OR1J2: variants seen among roughly 807,000 people sequenced by gnomAD.
The protein encoded by OR1J2 is olfactory receptor family 1 subfamily J member 2, also known as olfactory receptor 1J2.
For missense variants in OR1J2, 304 were observed against 246.1 expected, an observed-to-expected ratio of 1.24 and a Z score of -1.57; for synonymous variants, 142 against 99.7, an observed-to-expected ratio of 1.42 and a Z score of -2.52.
the OR1J2 span, among the ~76,000 whole-genome samples, chr9:122,483,275 C>A: frequency 6.6e-6 from 1 of 152,186 alleles, no homozygotes; most frequent in East Asian, 1.9e-4. Context: ...TAAAAAATTG[C>A]TCACAATTCT....
upstream of OR1J2, among the ~76,000 whole-genome samples, chr9:122,509,614 C>T (rs145187559): frequency 8.5e-4 from 130 of 152,130 alleles, no homozygotes; most frequent in African/African-American, 3.0e-3. Flanking sequence ...GTCTAAATGA[C>T]GTTAAATGGA....
At chr9:122,454,989 G>A in the OR1J2 span, among the ~76,000 whole-genome samples, 1 of 152,056 alleles carries the variant, frequency 6.6e-6, no homozygotes, top group Non-Finnish European at 1.5e-5. Context: ...TTTTATGTCC[G>A]GCTTCTTTCA....
chr9:122,472,378 T>G, the OR1J2 span, among the ~76,000 whole-genome samples: 1 of 152,246 alleles, frequency 6.6e-6, no homozygotes, highest in Non-Finnish European at 1.5e-5. Context: ...GCACTTTAAT[T>G]GTGCTTATCA....
the OR1J2 span, among the ~76,000 whole-genome samples, chr9:122,458,321 G>A: frequency 6.6e-6 from 1 of 152,022 alleles, no homozygotes; most frequent in East Asian, 1.9e-4. Flanking sequence ...TTTGTCTTTG[G>A]TTTTTACTAG....
the OR1J2 span, among the ~76,000 whole-genome samples, chr9:122,575,952 CTTTT>C: frequency 2.0e-5 from 3 of 152,066 alleles, no homozygotes; most frequent in Non-Finnish European, 2.9e-5. Context: ...ATATTTCTTT[CTTTT>C]TATTTCACAT....
the OR1J2 span, among the ~76,000 whole-genome samples, chr9:122,569,925 C>T: frequency 3.0e-4 from 44 of 147,678 alleles, no homozygotes; most frequent in East Asian, 2.8e-3. Context: ...TGAGAATATG[C>T]GGTGTTTGGT....
At chr9:122,487,165 TTATGA>T in the OR1J2 span, among the ~76,000 whole-genome samples, 3 of 152,212 alleles carry the variant, frequency 2.0e-5, no homozygotes, top group African/African-American at 7.2e-5. Flanking sequence ...CATTAAAAGC[TTATGA>T]TATAATTTTT....
chr9:122,499,734 A>G, the OR1J2 span, among the ~76,000 whole-genome samples: 2 of 152,160 alleles, frequency 1.3e-5, no homozygotes, highest in African/African-American at 4.8e-5. Flanking sequence ...CTGCACCAAG[A>G]TCTATGTCCA....
At chr9:122,469,588 G>A in the OR1J2 span, among the ~76,000 whole-genome samples, 51 of 152,286 alleles carry the variant, frequency 3.3e-4, 1 homozygote, top group East Asian at 7.7e-3. Flanking sequence ...AAAGATACCC[G>A]AAAATGTGGA....
chr9:122,502,305 T>TA, the OR1J2 span, among the ~76,000 whole-genome samples: 19 of 151,754 alleles, frequency 1.3e-4, no homozygotes, highest in South Asian at 2.1e-4. Flanking sequence ...TAATTTTCTT[T>TA]AAAAAAAAAT....
chr9:122,465,188 C>T, the OR1J2 span, among the ~76,000 whole-genome samples: 27,262 of 151,994 alleles, frequency 0.18, 2,854 homozygotes, highest in African/African-American at 0.28. Flanking sequence ...GGGGGCCTGC[C>T]AGTCTCAAGA....
At chr9:122,449,470 C>T in the OR1J2 span, among the ~76,000 whole-genome samples, 1 of 151,976 alleles carries the variant, frequency 6.6e-6, no homozygotes, top group Non-Finnish European at 1.5e-5. Flanking sequence ...CCTGGGTTCA[C>T]GCCATTCTCC....
At chr9:122,470,021 T>C in the OR1J2 span, among the ~76,000 whole-genome samples, 2 of 152,178 alleles carry the variant, frequency 1.3e-5, no homozygotes, top group Non-Finnish European at 2.9e-5. Context: ...AGCCGGACAA[T>C]GTCATAGGAT....
chr9:122,478,883 G>A, the OR1J2 span, among the ~76,000 whole-genome samples: 5 of 151,750 alleles, frequency 3.3e-5, no homozygotes, highest in Admixed American at 6.6e-5. Context: ...GGGTTCAAGC[G>A]ATTCTTCCAG....
At chr9:122,493,643 A>G in the OR1J2 span, among the ~76,000 whole-genome samples, 2 of 151,978 alleles carry the variant, frequency 1.3e-5, no homozygotes, top group African/African-American at 4.8e-5. Context: ...TTATCTTTTC[A>G]AATAACCAGC....
chr9:122,568,339 T>A, the OR1J2 span: 1 of 1,613,906 alleles, frequency 6.2e-7, no homozygotes, highest in African/African-American at 1.3e-5. Context: ...ATGGCCAGGA[T>A]GATGAGCAGG....
At chr9:122,538,031 G>A in the OR1J2 span, among the ~76,000 whole-genome samples, 1 of 152,092 alleles carries the variant, frequency 6.6e-6, no homozygotes, top group South Asian at 2.1e-4. Flanking sequence ...ACCTCTTACT[G>A]TGCATGTGTC....
chr9:122,460,131 T>C, the OR1J2 span, among the ~76,000 whole-genome samples: 1 of 152,002 alleles, frequency 6.6e-6, no homozygotes, highest in African/African-American at 2.4e-5. Context: ...ATTTCATTCC[T>C]TTTTATGGCT....
the OR1J2 span, among the ~76,000 whole-genome samples, chr9:122,485,566 G>A: frequency 1.3e-5 from 2 of 152,214 alleles, no homozygotes; most frequent in African/African-American, 4.8e-5. Flanking sequence ...ATAGCTTGCT[G>A]ATATCTGAAA....
Sources: gnomAD v4.1 joint callset for allele counts (sites outside exome capture counted in the v4.1 genomes callset) on GRCh38, gnomAD v4.1.1 for gene constraint, MANE v1.5 for transcripts, NCBI Gene and HGNC (gene_info 2026-07-23, HGNC 2026-07-21) for gene names.